The following ZFHX4 variants were observed in gnomAD, a reference collection of about 807,000 sequenced individuals.
ZFHX4 encodes zinc finger homeobox 4, also known as zinc finger homeobox protein 4.
A neutral mutation model predicts 267.6 loss-of-function variants in ZFHX4; 56 were observed. The observed-to-expected ratio is 0.21, with a 90% CI of 0.17 to 0.26. The LOEUF is 0.26. Among genes scored for constraint, ZFHX4 ranks in the 10% least tolerant of loss-of-function variants. The pLI is 1.00. For missense variants in ZFHX4, 4,332 were observed against 4,420.0 expected (o/e 0.98, Z 0.56); for synonymous variants, 1,778 against 1,665.6 (o/e 1.07, Z -1.64).
rs373328688 is a variant in ZFHX4 at position 76,863,710 on chromosome 8, G to A, written c.9996G>A (p.Lys3332=). 10 of 1,569,698 alleles carry A rather than the reference G, an allele frequency of 6.4e-6. No homozygotes were observed. Among genetic ancestry groups the A allele is most frequent in the Non-Finnish European group, 7.8e-6 (9 of 1,156,968 alleles). The change falls in exon 11 of 11, where the codon AAG becomes AAA. Residue 3332 remains lysine (K), a synonymous_variant. Coordinates refer to ENST00000651372, the MANE Select transcript of ZFHX4 (RefSeq NM_024721.5). The part of the protein sequence containing the change: ...YQQNLQESLQ[K]QQKQQQEQQQ... ...AGAACCTGCAGGAGTCCCTGCAAAA[G>A]CAGCAAAAGCAACAGCAAGAACAGC... is the stretch of plus-strand genomic sequence containing the variant.
chr8:76,746,885 A>G (rs1809473311), intron 3 of ZFHX4, among the ~76,000 whole-genome samples: 1 of 152,316 alleles, frequency 6.6e-6, no homozygotes, highest in East Asian at 1.9e-4. Context: ...ATTTTACTAC[A>G]TGGCCGCAAA....
At position 76,704,645 on chromosome 8, in the gene ZFHX4, C is replaced by G; in HGVS notation, c.557C>G (p.Ser186Trp). The change falls in exon 2 of 11, where the codon TCG (serine) becomes TGG (tryptophan). Residue 186 changes from serine to tryptophan, a missense_variant. By Grantham distance (177) the Ser-to-Trp change is radical. Coordinates refer to ENST00000651372, the MANE Select transcript of ZFHX4 (RefSeq NM_024721.5). Reference sequence around the variant, plus strand: ...GATCAGTCTGCTTCTGCACCTATGTCGTTCTACCCACAGATCATCAACACT... The same window carrying G: ...GATCAGTCTGCTTCTGCACCTATGTGGTTCTACCCACAGATCATCAACACT... ...KSDQSASAPM[S>W]FYPQIINTFH... The G allele has an allele frequency of 6.2e-7, 1 of 1,613,978 alleles. No homozygotes were observed. The highest frequency in any genetic ancestry group is 1.1e-5 in the South Asian group (1 of 91,060).
intron 1 of ZFHX4, among the ~76,000 whole-genome samples, chr8:76,690,415 A>G (rs1465997120): frequency 1.3e-5 from 2 of 152,054 alleles, no homozygotes; most frequent in Non-Finnish European, 2.9e-5. Flanking sequence ...ACTTCTTAAG[A>G]GGGAAGTTTT....
intron 3 of ZFHX4, among the ~76,000 whole-genome samples, chr8:76,710,904 T>C (rs1433133657): frequency 6.6e-6 from 1 of 152,166 alleles, no homozygotes; most frequent in Non-Finnish European, 1.5e-5. Context: ...AACTGATCAA[T>C]GTAATGAAAA....
intron 4 of ZFHX4, among the ~76,000 whole-genome samples, chr8:76,824,779 G>A (rs1270847907): frequency 6.6e-6 from 1 of 151,988 alleles, no homozygotes; most frequent in African/African-American, 2.4e-5. Context: ...TCCCTTTGTT[G>A]CCAGGCTGCT....
At chr8:76,682,900 C>T (rs1807580574) in intron 1 of ZFHX4, among the ~76,000 whole-genome samples, 1 of 152,150 alleles carries the variant, frequency 6.6e-6, no homozygotes, top group Admixed American at 6.5e-5. Context: ...CCCCAACCCC[C>T]TTCTCGCTCC....
chr8:76,803,340 A>G (rs1395588136), intron 4 of ZFHX4, among the ~76,000 whole-genome samples: 1 of 152,028 alleles, frequency 6.6e-6, no homozygotes, highest in African/African-American at 2.4e-5. Flanking sequence ...TTGATGTTTG[A>G]AAATTAGTGT....
Position 76,852,089 on chromosome 8 carries a change from C to G in ZFHX4, c.5168C>G (p.Pro1723Arg), listed in dbSNP as rs1812544582. The G allele has an allele frequency of 1.2e-6, 2 of 1,613,984 alleles. No homozygotes were observed. The highest frequency in any genetic ancestry group is 2.2e-5 in the East Asian group (1 of 44,878). Residue 1723 changes from proline to arginine, a missense_variant, in exon 10 of 11, where the codon CCT (proline) becomes CGT (arginine). Physicochemically the swap from Pro to Arg is moderately radical, Grantham distance 103 (BLOSUM62 -2). Coordinates refer to ENST00000651372, the MANE Select transcript of ZFHX4 (RefSeq NM_024721.5). Reference sequence around the variant, plus strand: ...AACCCAGCCTTTTTGCCTCATTTTCCTATGACCCCAGAAGCACTGCTGCAG... The same window carrying G: ...AACCCAGCCTTTTTGCCTCATTTTCGTATGACCCCAGAAGCACTGCTGCAG... ...FLNPAFLPHF[P>R]MTPEALLQFQ...
intron 6 of ZFHX4, 145 bp downstream of exon 6, chr8:76,842,916 T>C (rs2248913): frequency 0.21 from 107,491 of 507,072 alleles, 13,783 homozygotes; most frequent in Non-Finnish European, 0.26. Context: ...CTACTATTCA[T>C]TGCATGTGCA....
chr8:76,749,883 G>A (rs577585808), intron 3 of ZFHX4, among the ~76,000 whole-genome samples: 2 of 152,198 alleles, frequency 1.3e-5, no homozygotes, highest in Admixed American at 6.5e-5. Flanking sequence ...TATTGCAAAA[G>A]GTTGATTGCA....
intron 4 of ZFHX4, among the ~76,000 whole-genome samples, chr8:76,806,956 G>C (rs922952439): frequency 2.6e-5 from 4 of 151,960 alleles, no homozygotes; most frequent in Non-Finnish European, 4.4e-5. Context: ...GAGTGTTTAG[G>C]CTGGGAACCA....
chr8:76,762,997 C>T (rs771790039), intron 3 of ZFHX4, among the ~76,000 whole-genome samples: 9 of 152,182 alleles, frequency 5.9e-5, no homozygotes, highest in African/African-American at 1.9e-4. Context: ...GGTGCTGGAT[C>T]GAAGAGTTTC....
rs113489317 is a variant in ZFHX4, at chr8:76,748,541, C to T, written c.3094-29667C>T. On this transcript the variant is annotated intron_variant, in intron 3 of 10. Transcript: ENST00000651372. ...CCTCCAAGTCCTGGACTCAAGCGATCCTCCCACCTCAGCCTCCTGAGTAGC... is the reference window on the plus strand; with the variant it reads ...CCTCCAAGTCCTGGACTCAAGCGATTCTCCCACCTCAGCCTCCTGAGTAGC... Among the ~76,000 whole-genome samples, 1,090 of 152,240 alleles carry T rather than the reference C, an allele frequency of 7.2e-3. 2 individuals carry two copies. The highest frequency in any genetic ancestry group is 0.041 in the Middle Eastern group (12 of 294).
intron 3 of ZFHX4, among the ~76,000 whole-genome samples, chr8:76,758,191 A>G (rs1029140954): frequency 3.9e-5 from 6 of 152,126 alleles, no homozygotes; most frequent in Non-Finnish European, 8.8e-5. Context: ...GTGGAGAAAC[A>G]GGTATGAAAA....
chr8:76,842,087 C>T (rs1255121382), intron 5 of ZFHX4, among the ~76,000 whole-genome samples: 2 of 151,978 alleles, frequency 1.3e-5, no homozygotes, highest in East Asian at 3.9e-4. Flanking sequence ...CTTGTTATAT[C>T]CTGCACCCAG....
chr8:76,748,046 AT>A (rs2131700072), intron 3 of ZFHX4, among the ~76,000 whole-genome samples: 1 of 152,212 alleles, frequency 6.6e-6, no homozygotes, highest in East Asian at 1.9e-4. Flanking sequence ...TCTGTCTTTG[AT>A]TTTATTGTAA....
At chr8:76,735,302 A>T (rs1809129904) in intron 3 of ZFHX4, among the ~76,000 whole-genome samples, 1 of 152,122 alleles carries the variant, frequency 6.6e-6, no homozygotes, top group Non-Finnish European at 1.5e-5. Context: ...TAGAAAATTC[A>T]TCACAATGGT....
chr8:76,787,983 C>T (rs1179990820), intron 4 of ZFHX4, among the ~76,000 whole-genome samples: 1 of 152,038 alleles, frequency 6.6e-6, no homozygotes, highest in East Asian at 1.9e-4. Flanking sequence ...CCAATTATTC[C>T]TCAGAGTAAT....
intron 1 of ZFHX4, among the ~76,000 whole-genome samples, chr8:76,693,731 T>A (rs544925096): frequency 6.6e-6 from 1 of 152,324 alleles, no homozygotes; most frequent in East Asian, 1.9e-4. Flanking sequence ...CACAATTGCC[T>A]GAAAGGTGAA....
Sources: allele counts gnomAD v4.1 joint callset (sites outside exome capture counted in the v4.1 genomes callset), GRCh38; gene constraint gnomAD v4.1.1; transcripts MANE v1.5; gene names NCBI Gene and HGNC (gene_info 2026-07-23, HGNC 2026-07-21).